WDR70: variants seen among roughly 807,000 people sequenced by gnomAD.
WDR70 encodes the protein WD repeat-containing protein 70.
A neutral mutation model predicts 88.6 loss-of-function variants in WDR70; 53 were observed. The ratio of observed to expected loss-of-function variants is 0.60; its 90% CI spans 0.48 to 0.75. WDR70 has a LOEUF of 0.75. Ranked by LOEUF, WDR70 falls within the 30% of genes least tolerant of loss-of-function variation. WDR70 has a pLI of 0.00. For synonymous variants in WDR70, 280 were observed against 270.0 expected, an observed-to-expected ratio of 1.04 and a Z score of -0.36; for missense variants, 610 against 823.2, an observed-to-expected ratio of 0.74 and a Z score of 3.17.
Position 37,573,264 on chromosome 5 carries a change from ATTC to A in WDR70, c.918-31794_918-31792del, listed in dbSNP as rs776716862. The stretch of plus-strand genomic sequence containing the variant: ...AGTTCTCCCTGTTCCCCAAATCATC[ATTC>A]TTCTTTACTGGGTCATTTCAATCAA... On this transcript the variant is annotated intron_variant, in intron 9 of 17. Transcript: ENST00000265107. Among the ~76,000 whole-genome samples the A allele has an allele frequency of 2.1e-4, 32 of 152,188 alleles. No individual in the cohort carries two copies. The South Asian group carries it at 4.8e-3, about 23-fold the overall frequency.
At chr5:37,459,388 A>G (rs1738929628) in intron 7 of WDR70, among the ~76,000 whole-genome samples, 1 of 151,444 alleles carries the variant, frequency 6.6e-6, no homozygotes, top group Non-Finnish European at 1.5e-5. Flanking sequence ...AATGCCGCAT[A>G]TCTACAACTA....
intron 10 of WDR70, among the ~76,000 whole-genome samples, chr5:37,605,553 A>G (rs763053499): frequency 4.6e-5 from 7 of 152,200 alleles, no homozygotes; most frequent in African/African-American, 7.2e-5. Flanking sequence ...TTGAAAGTGA[A>G]GTGTTTAATA....
intron 5 of WDR70, among the ~76,000 whole-genome samples, chr5:37,417,518 C>T (rs1312234193): frequency 6.9e-6 from 1 of 144,558 alleles, no homozygotes. Flanking sequence ...AGTCACTGCA[C>T]CCGGCCACCA....
chr5:37,428,027 C>T (rs1391701339), intron 5 of WDR70, among the ~76,000 whole-genome samples: 28 of 143,874 alleles, frequency 1.9e-4, no homozygotes, highest in African/African-American at 6.1e-4. Flanking sequence ...TTTTTCCCTG[C>T]TGTCTGGAAA....
chr5:37,591,944 T>A (rs1323784633), intron 9 of WDR70, among the ~76,000 whole-genome samples: 3 of 152,172 alleles, frequency 2.0e-5, no homozygotes, highest in East Asian at 1.9e-4. Context: ...TCTCAATTGA[T>A]GTAAAATAAG....
intron 10 of WDR70, among the ~76,000 whole-genome samples, chr5:37,683,975 G>A (rs1481021423): frequency 2.0e-5 from 3 of 151,818 alleles, no homozygotes; most frequent in Non-Finnish European, 2.9e-5. Flanking sequence ...TTTCAGGGAC[G>A]CCAATTAGTC....
At chr5:37,408,149 A>G (rs1296852884) in intron 5 of WDR70, among the ~76,000 whole-genome samples, 1 of 152,078 alleles carries the variant, frequency 6.6e-6, no homozygotes, top group Non-Finnish European at 1.5e-5. Context: ...AGCTGTAGCC[A>G]TTAATTTTGC....
chr5:37,721,852 CTCTT>C (rs1747824631), intron 14 of WDR70: 2 of 152,262 alleles, frequency 1.3e-5, no homozygotes, highest in South Asian at 4.1e-4. Context: ...TTGTTTCTCT[CTCTT>C]AAAGTACAGT....
chr5:37,617,032 A>G (rs561689447), intron 10 of WDR70, among the ~76,000 whole-genome samples: 1 of 152,334 alleles, frequency 6.6e-6, no homozygotes, highest in South Asian at 2.1e-4. Context: ...TTTAAAGCAT[A>G]TAGTATTAAC....
intron 5 of WDR70, among the ~76,000 whole-genome samples, chr5:37,435,600 A>G (rs141829879): frequency 1.3e-5 from 2 of 152,298 alleles, no homozygotes; most frequent in East Asian, 3.9e-4. Context: ...ACAGTCTAAA[A>G]CAAAACTACC....
chr5:37,749,872 A>G (rs1034252749), intron 17 of WDR70, among the ~76,000 whole-genome samples: 12 of 151,846 alleles, frequency 7.9e-5, no homozygotes, highest in South Asian at 6.2e-4. Context: ...TGAAAAACAA[A>G]TATTTGTCCT....
chr5:37,675,046 T>C (rs971491945), intron 10 of WDR70, among the ~76,000 whole-genome samples: 75 of 151,970 alleles, frequency 4.9e-4, no homozygotes, highest in African/African-American at 1.8e-3. Flanking sequence ...GAGAAGTGTC[T>C]GTTCATGTCC....
chr5:37,745,938 A>G lies in WDR70; in HGVS notation c.1878-6548A>G, dbSNP rs112996947. 2.0e-5 allele frequency among the ~76,000 whole-genome samples: 3 copies of G among 152,224 alleles called. No homozygotes were observed. The South Asian group carries it at 6.2e-4, about 32-fold the overall frequency. ...GATCAAATGGACCTAGTAGACGTCT[A>G]CAGAACTCTCTACCCCAAATCAGCA... On this transcript the variant is annotated intron_variant, in intron 17 of 17. Transcript: ENST00000265107.
At chr5:37,653,763 T>G (rs1020834091) in intron 10 of WDR70, among the ~76,000 whole-genome samples, 1 of 152,214 alleles carries the variant, frequency 6.6e-6, no homozygotes, top group Non-Finnish European at 1.5e-5. Flanking sequence ...GTAGTTTGTA[T>G]TTCTGTGGGA....
chr5:37,685,844 G>C (rs748111322), intron 10 of WDR70, among the ~76,000 whole-genome samples: 4 of 152,258 alleles, frequency 2.6e-5, no homozygotes, highest in South Asian at 2.1e-4. Flanking sequence ...TGCTCCCCAG[G>C]AGTCACTGGG....
chr5:37,529,748 A>G (rs1741422849), intron 9 of WDR70, among the ~76,000 whole-genome samples: 1 of 152,030 alleles, frequency 6.6e-6, no homozygotes, highest in Admixed American at 6.6e-5. Flanking sequence ...GTTTTCTATT[A>G]TGTGATGATA....
chr5:37,567,084 A>T (rs559630145), intron 9 of WDR70, among the ~76,000 whole-genome samples: 1 of 152,198 alleles, frequency 6.6e-6, no homozygotes, highest in African/African-American at 2.4e-5. Context: ...CTCCCCAGAC[A>T]TAGAAATCAA....
chr5:37,447,789 G>C (rs1738548717), intron 7 of WDR70, among the ~76,000 whole-genome samples: 1 of 152,184 alleles, frequency 6.6e-6, no homozygotes, highest in African/African-American at 2.4e-5. Flanking sequence ...GCCTGTCATG[G>C]GATGCGGGGA....
intron 7 of WDR70, among the ~76,000 whole-genome samples, chr5:37,456,968 A>C (rs1738858359): frequency 1.3e-5 from 2 of 152,250 alleles, no homozygotes; most frequent in African/African-American, 4.8e-5. Context: ...AGGAAAAATT[A>C]AAGTGCCAGT....
Sources: allele counts gnomAD v4.1 joint callset (sites outside exome capture counted in the v4.1 genomes callset), GRCh38; gene constraint gnomAD v4.1.1; transcripts MANE v1.5; gene names NCBI Gene and HGNC (gene_info 2026-07-23, HGNC 2026-07-21).